EN1: variants seen among roughly 807,000 people sequenced by gnomAD.
EN1 encodes homeobox protein engrailed-1.
In EN1, 8 loss-of-function variants were observed where a neutral mutation model predicts 22.9. That is an observed-to-expected ratio of 0.35 (90% CI 0.20 to 0.63). EN1 has a LOEUF of 0.63. Ranked by LOEUF, EN1 falls within the 20% of genes least tolerant of loss-of-function variation. The probability of loss-of-function intolerance (pLI) is 0.73; values close to 1 mark genes in which losing one functional copy is unlikely to be tolerated. For missense variants in EN1, 521 were observed against 572.1 expected (o/e 0.91, Z 0.91); for synonymous variants, 287 against 262.5 (o/e 1.09, Z -0.90).
At chr2:118,845,434 A>G (rs1391649942) in intron 1 of EN1, among the ~76,000 whole-genome samples, 1 of 152,206 alleles carries the variant, frequency 6.6e-6, no homozygotes, top group Non-Finnish European at 1.5e-5. Context: ...GGCACACGGA[A>G]AAGTGGTGGA....
intron 1 of EN1, among the ~76,000 whole-genome samples, chr2:118,845,250 G>T (rs1239164193): frequency 1.3e-5 from 2 of 152,210 alleles, no homozygotes; most frequent in African/African-American, 4.8e-5. Context: ...GAGGAAAGCG[G>T]CGCGTGGCTA....
rs777146825 is a variant in EN1 at position 118,846,714 on chromosome 2, C to A, written c.454G>T (p.Gly152Cys). 1 of 1,591,968 alleles carries A rather than the reference C, an allele frequency of 6.3e-7. No homozygotes were observed. The highest frequency in any genetic ancestry group is 8.5e-7 in the Non-Finnish European group (1 of 1,176,820). The part of the protein sequence containing the change: ...VERDRGQTAA[G>C]RDPVHPLGTR... ...CCCAACGGGTGGACAGGGTCTCTAC[C>A]TGCGGCAGTCTGGCCTCTGTCACGC... The change falls in exon 1 of 2, where the codon GGT becomes TGT. Residue 152 changes from glycine (G) to cysteine (C), a missense_variant. Coordinates refer to ENST00000295206, the MANE Select transcript of EN1 (RefSeq NM_001426.4). The surrounding 1 kb of genome is among the most constrained non-coding windows in gnomAD (Gnocchi z 5.0).
At chr2:118,844,998 T>C (rs192412176) in intron 1 of EN1, among the ~76,000 whole-genome samples, 1 of 152,280 alleles carries the variant, frequency 6.6e-6, no homozygotes, top group Non-Finnish European at 1.5e-5. Context: ...TGTTGAAGTG[T>C]TGTTGTATGT....
intron 1 of EN1, 101 bp from the exon 2 acceptor site, chr2:118,843,355 C>A (rs1678221782): frequency 9.4e-7 from 1 of 1,062,060 alleles, no homozygotes. Flanking sequence ...CATTGCCGAG[C>A]TGGGCCGCGA....
Position 118,842,615 on chromosome 2 carries a change from T to C in EN1, c.*323A>G, listed in dbSNP as rs1678207997. On this transcript the variant is annotated 3_prime_UTR_variant, in exon 2 of 2. Coordinates refer to ENST00000295206, the MANE Select transcript of EN1 (RefSeq NM_001426.4). ...ATAGAGATCGCTACACGTATGTGTT[T>C]TCCTTACCTGAAATTAAATATATAC... The C allele has an allele frequency of 4.7e-6, 1 of 212,984 alleles. No homozygotes were observed. Among genetic ancestry groups the C allele is most frequent in the African/African-American group, 2.3e-5 (1 of 43,528 alleles). The allele number at this position is 212,984 out of a possible 1,614,324, so 13.2% of individuals were successfully genotyped here.
At position 118,842,896 on chromosome 2, in the gene EN1, G is replaced by C. The variant is rs758172081; in HGVS notation, c.*42C>G. On this transcript the variant is annotated 3_prime_UTR_variant, in exon 2 of 2. Coordinates refer to ENST00000295206, the MANE Select transcript of EN1 (RefSeq NM_001426.4). ...CGAGGGGCCGGGAGACGACGGCGGC[G>C]GTGCCGGGAGGGGGCGCGGGCGCGG... is the stretch of plus-strand genomic sequence containing the variant. 6.4e-7 allele frequency: 1 copy of C among 1,569,040 alleles called. No homozygotes were observed. Among genetic ancestry groups the C allele is most frequent in the Non-Finnish European group, 8.7e-7 (1 of 1,155,026 alleles).
intron 1 of EN1, 106 bp from the exon 2 acceptor site, chr2:118,843,360 C>A (rs570818848): frequency 5.2e-6 from 5 of 970,748 alleles, no homozygotes; most frequent in African/African-American, 4.9e-5. Flanking sequence ...CCGAGCTGGG[C>A]CGCGAGCCCC....
At chr2:118,843,640 C>T (rs1678226287) in intron 1 of EN1, among the ~76,000 whole-genome samples, 1 of 152,186 alleles carries the variant, frequency 6.6e-6, no homozygotes, top group African/African-American at 2.4e-5. Context: ...GCTCATATGG[C>T]CCAGCCCAGA....
chr2:118,845,189 C>G (rs562178752), intron 1 of EN1, among the ~76,000 whole-genome samples: 1 of 152,344 alleles, frequency 6.6e-6, no homozygotes, highest in South Asian at 2.1e-4. Flanking sequence ...GCTGATAGTG[C>G]GCATCGATCC....
chr2:118,843,105 G>A lies in EN1; in HGVS notation c.1012C>T (p.Gln338Ter). Residue 338 changes from glutamine (Q) to a stop codon, truncating the protein, a stop_gained, in exon 2 of 2, where the codon CAG (glutamine) becomes TAG (stop). Coordinates refer to ENST00000295206, the MANE Select transcript of EN1 (RefSeq NM_001426.4). LOFTEE classifies it high-confidence loss of function. ...ITEQRRQTLAQELSLNESQIK... is the reference protein window; with the variant it reads ...ITEQRRQTLA ...TGGGACTCGTTGAGGCTGAGTTCCT[G>A]GGCCAGGGTCTGCCGCCGCTGCTCC... is the stretch of plus-strand genomic sequence containing the variant. 1 of 1,614,064 alleles carries A rather than the reference G, an allele frequency of 6.2e-7. No individual in the cohort carries two copies.
At position 118,847,179 on chromosome 2, in the gene EN1, C is replaced by A. The variant is rs752754785; in HGVS notation, c.-12G>T. On this transcript the variant is annotated 5_prime_UTR_variant, in exon 1 of 2. Transcript: ENST00000295206. The stretch of plus-strand genomic sequence containing the variant: ...TGCTGTTCTTCCATGCTCGGCCGCC[C>A]CGCCGCCCCGGCCGCCGCGCCGGCC... 11 of 855,390 alleles carry A rather than the reference C, an allele frequency of 1.3e-5. No individual in the cohort carries two copies. The South Asian group carries it at 2.1e-4, about 16-fold the overall frequency. The allele number at this position is 855,390 out of a possible 1,614,324, so 53.0% of individuals were successfully genotyped here.
At position 118,847,045 on chromosome 2, in the gene EN1, G is replaced by T; in HGVS notation, c.123C>A (p.Ser41Arg). ...CCGGCACGCTGTCTCCATCGCTGCC[G>T]CTGCCGCTGCTGCCGCTGGCGCCCG... Reference protein sequence around the residue: ...LSPGASGSSGSGSDGDSVPVS... With the variant: ...LSPGASGSSGRGSDGDSVPVS... The change falls in exon 1 of 2, where the codon AGC becomes AGA. Residue 41 changes from serine (S) to arginine (R), a missense_variant. Ser to Arg is a moderately radical substitution (Grantham distance 110, BLOSUM62 -1). This residue lies in a region of EN1 where 436 missense variants were observed against 410.1 expected (regional missense o/e 1.06). Coordinates refer to ENST00000295206, the MANE Select transcript of EN1 (RefSeq NM_001426.4). The T allele has an allele frequency of 9.9e-6, 14 of 1,412,602 alleles. No individual in the cohort carries two copies. Among genetic ancestry groups the T allele is most frequent in the East Asian group, 3.2e-5 (1 of 31,646 alleles). 87.5% of individuals were successfully genotyped at this position (1,412,602 alleles called of 1,614,324 possible). A position where few individuals can be genotyped will look rare whatever the true frequency, so the allele number is the denominator to read the frequency against.
In EN1 at chr2:118,846,427, G is replaced by C; in HGVS notation, c.741C>G (p.Asn247Lys). Residue 247 changes from asparagine (N) to lysine (K), a missense_variant, in exon 1 of 2, where the codon AAC becomes AAG. Asn to Lys is a moderately conservative substitution (Grantham distance 94). Around this residue, in one of 3 missense-constraint regions of EN1, gnomAD observed 436 missense variants for 410.1 expected, o/e 1.06. Transcript: ENST00000295206. The surrounding 1 kb of genome is among the most constrained non-coding windows in gnomAD (Gnocchi z 5.0). The part of the protein sequence containing the change: ...AQGTKYPEHG[N>K]PAILLMGSAN... ...CTGAGCCCATAAGTAGGATAGCCGG[G>C]TTGCCGTGCTCCGGGTATTTGGTGC... 6.2e-7 allele frequency: 1 copy of C among 1,613,084 alleles called. No homozygotes were observed.
Position 118,846,409 on chromosome 2 carries a change from C to T in EN1, c.759G>A (p.Met253Ile), listed in dbSNP as rs1413910283. ...PEHGNPAILL[M>I]GSANGGPVVK... ...CCACGGGCCCGCCGTTGGCTGAGCC[C>T]ATAAGTAGGATAGCCGGGTTGCCGT... is the stretch of plus-strand genomic sequence containing the variant. The change falls in exon 1 of 2, where the codon ATG becomes ATA. Residue 253 changes from methionine to isoleucine, a missense_variant. This residue lies in a region of EN1 where 436 missense variants were observed against 410.1 expected (regional missense o/e 1.06). Transcript: ENST00000295206. The surrounding 1 kb of genome is among the most constrained non-coding windows in gnomAD (Gnocchi z 5.0). 2 of 1,613,434 alleles carry T rather than the reference C, an allele frequency of 1.2e-6. No individual in the cohort carries two copies. The highest frequency in any genetic ancestry group is 1.7e-5 in the Admixed American group (1 of 59,994).
chr2:118,842,665 T>C lies in EN1; in HGVS notation c.*273A>G, dbSNP rs1678208914. 4.6e-6 allele frequency: 2 copies of C among 437,012 alleles called. No individual in the cohort carries two copies. The highest frequency in any genetic ancestry group is 6.5e-4 in the Middle Eastern group (1 of 1,546). The allele number at this position is 437,012 out of a possible 1,614,324, so 27.1% of individuals were successfully genotyped here. A position where few individuals can be genotyped will look rare whatever the true frequency, so the allele number is the denominator to read the frequency against. ...CAAGGTCGTAAGCGGTTTGGCTAGA[T>C]AGAGCTTTAAGGAGTTCGCAGTTTC... is the stretch of plus-strand genomic sequence containing the variant. On this transcript the variant is annotated 3_prime_UTR_variant, in exon 2 of 2. Coordinates refer to ENST00000295206, the MANE Select transcript of EN1 (RefSeq NM_001426.4).
At position 118,846,672 on chromosome 2, in the gene EN1, C is replaced by T. The variant is rs754466609; in HGVS notation, c.496G>A (p.Ala166Thr). The change falls in exon 1 of 2, where the codon GCT becomes ACT. Residue 166 changes from alanine to threonine, a missense_variant. Physicochemically the swap from Ala to Thr is moderately conservative, Grantham distance 58 (BLOSUM62 0). Around this residue, in one of 3 missense-constraint regions of EN1, gnomAD observed 436 missense variants for 410.1 expected, o/e 1.06. Coordinates refer to ENST00000295206, the MANE Select transcript of EN1 (RefSeq NM_001426.4). The surrounding 1 kb of genome is among the most constrained non-coding windows in gnomAD (Gnocchi z 5.0). Reference protein sequence around the residue: ...VHPLGTRAPGAASLLCAPDAN... With the variant: ...VHPLGTRAPGTASLLCAPDAN... ...TCCGGGGCGCACAGGAGCGAGGCAG[C>T]GCCTGGCGCCCGGGTGCCCAACGGG... is the stretch of plus-strand genomic sequence containing the variant. 4.4e-6 allele frequency: 7 copies of T among 1,577,612 alleles called. No homozygotes were observed. Among genetic ancestry groups the T allele is most frequent in the Middle Eastern group, 2.1e-4 (1 of 4,874 alleles).
In EN1 at chr2:118,846,833, C is replaced by A; in HGVS notation, c.335G>T (p.Arg112Met). 6.3e-7 allele frequency: 1 copy of A among 1,594,846 alleles called. No individual in the cohort carries two copies. Among genetic ancestry groups the A allele is most frequent in the Non-Finnish European group, 8.5e-7 (1 of 1,176,582 alleles). ...TTNFFIDNIL[R>M]PDFGCKKEQP... ...CTCCTTTTTGCAGCCGAAGTCCGGC[C>A]TCAGGATGTTGTCGATGAAAAAGTT... Residue 112 changes from arginine to methionine, a missense_variant, in exon 1 of 2, where the codon AGG (arginine) becomes ATG (methionine). Coordinates refer to ENST00000295206, the MANE Select transcript of EN1 (RefSeq NM_001426.4). The surrounding 1 kb of genome is among the most constrained non-coding windows in gnomAD (Gnocchi z 5.0).
intron 1 of EN1, among the ~76,000 whole-genome samples, chr2:118,844,657 C>CA (rs1439697925): frequency 6.6e-6 from 1 of 152,216 alleles, no homozygotes; most frequent in Admixed American, 6.5e-5. Flanking sequence ...AACCTAGCTA[C>CA]AGAGAGGAAG....
intron 1 of EN1, among the ~76,000 whole-genome samples, chr2:118,845,068 C>T (rs2104610786): frequency 6.6e-6 from 1 of 152,386 alleles, no homozygotes; most frequent in South Asian, 2.1e-4. Flanking sequence ...CCAGCCCGAG[C>T]CGTGCAGCCT....
Sources: gnomAD v4.1 joint callset for allele counts (sites outside exome capture counted in the v4.1 genomes callset) on GRCh38, gnomAD v4.1.1 for gene constraint, gnomAD v4.1.1 regional missense constraint, Gnocchi (gnomAD v3.1) non-coding constraint, MANE v1.5 for transcripts, NCBI Gene and HGNC (gene_info 2026-07-23, HGNC 2026-07-21) for gene names.